DLC1: variants seen among roughly 807,000 people sequenced by gnomAD.
DLC1 encodes DLC1 Rho GTPase activating protein, also known as rho GTPase-activating protein 7.
DLC1 carries 54 observed loss-of-function variants against 140.3 expected under a neutral mutation model. The ratio of observed to expected loss-of-function variants is 0.38; its 90% confidence interval spans 0.31 to 0.48. DLC1 has a LOEUF of 0.48. DLC1 is among the 20% of genes least tolerant of loss of function. The probability of loss-of-function intolerance (pLI) is 0.96; values close to 1 mark genes in which losing one functional copy is unlikely to be tolerated. For synonymous variants in DLC1, 986 were observed against 728.1 expected, an observed-to-expected ratio of 1.35 and a Z score of -5.70; for missense variants, 2,536 against 1,907.0, an observed-to-expected ratio of 1.33 and a Z score of -6.14.
intron 4 of DLC1, among the ~76,000 whole-genome samples, chr8:13,376,071 G>C (rs531435570): frequency 8.5e-5 from 13 of 152,128 alleles, no homozygotes; most frequent in Non-Finnish European, 1.6e-4. Flanking sequence ...GCACCAAAAA[G>C]AGGAAAACCT....
chr8:13,309,016 C>A (rs187083849), intron 4 of DLC1, among the ~76,000 whole-genome samples: 1 of 151,976 alleles, frequency 6.6e-6, no homozygotes, highest in Non-Finnish European at 1.5e-5. Context: ...ACTAAAACAC[C>A]GAATGCCTAT....
intron 3 of DLC1, among the ~76,000 whole-genome samples, chr8:13,395,425 A>G (rs1242485699): frequency 6.6e-6 from 1 of 152,086 alleles, no homozygotes; most frequent in Non-Finnish European, 1.5e-5. Context: ...CAGCCTCTTT[A>G]TAATTCTTGT....
Position 13,084,954 on chromosome 8 carries a change from A to G in DLC1, c.*857T>C, listed in dbSNP as rs1334568873. On this transcript the variant is annotated 3_prime_UTR_variant, in exon 18 of 18. Transcript: ENST00000276297. ...TTTTATATCTCGACTTAAACAAAAA[A>G]CAAAACAAAACAAAACAAAACCCTG... The G allele has an allele frequency of 6.6e-6, 1 of 151,702 alleles. No homozygotes were observed. The highest frequency in any genetic ancestry group is 2.4e-5 in the African/African-American group (1 of 40,912). The allele number at this position is 151,702 out of a possible 1,614,324, so 9.4% of individuals were successfully genotyped here. A position where few individuals can be genotyped will look rare whatever the true frequency, so the allele number is the denominator to read the frequency against.
At chr8:13,573,163 A>G (rs1219777014) in intron 1 of DLC1, among the ~76,000 whole-genome samples, 3 of 152,142 alleles carry the variant, frequency 2.0e-5, no homozygotes, top group Non-Finnish European at 4.4e-5. Flanking sequence ...GATCTTTACC[A>G]TGTAAGTTTT....
chr8:13,196,469 T>A (rs1452188683), intron 5 of DLC1, among the ~76,000 whole-genome samples: 1 of 152,200 alleles, frequency 6.6e-6, no homozygotes, highest in Non-Finnish European at 1.5e-5. Context: ...CATAGGCCAT[T>A]ATTTGGGAGA....
At chr8:13,417,830 G>A (rs553334136) in intron 2 of DLC1, among the ~76,000 whole-genome samples, 26 of 152,178 alleles carry the variant, frequency 1.7e-4, no homozygotes, top group Admixed American at 5.2e-4. Flanking sequence ...CCCACCAACA[G>A]TGTAAAAGTG....
rs544814941 is a variant in DLC1 at position 13,336,851 on chromosome 8, C to A, written c.1315-31549G>T. On this transcript the variant is annotated intron_variant, in intron 4 of 17. Transcript: ENST00000276297. ...TATTGCTATGTGACATTGATGGTAA[C>A]CCAGGGAAACAAAATTAACACATTA... 2.6e-5 allele frequency among the ~76,000 whole-genome samples: 4 copies of A among 151,682 alleles called. No individual in the cohort carries two copies. The East Asian group carries it at 7.8e-4, about 29-fold the overall frequency.
intron 16 of DLC1, among the ~76,000 whole-genome samples, chr8:13,088,084 T>C (rs1817715540): frequency 6.6e-6 from 1 of 152,222 alleles, no homozygotes; most frequent in Admixed American, 6.5e-5. Context: ...GCATATGTTT[T>C]GTTTTGTTTA....
chr8:13,386,061 C>A (rs1836507790), intron 4 of DLC1, among the ~76,000 whole-genome samples: 1 of 152,252 alleles, frequency 6.6e-6, no homozygotes, highest in East Asian at 1.9e-4. Flanking sequence ...CCAGAAGTAA[C>A]TGGCAGTTGT....
At chr8:13,197,645 C>T (rs540183374) in intron 5 of DLC1, among the ~76,000 whole-genome samples, 27 of 151,876 alleles carry the variant, frequency 1.8e-4, no homozygotes, top group African/African-American at 6.0e-4. Flanking sequence ...CGTGCCAGGC[C>T]GATTTATTTT....
chr8:13,190,338 G>T (rs1184319339), intron 5 of DLC1, among the ~76,000 whole-genome samples: 1 of 152,082 alleles, frequency 6.6e-6, no homozygotes, highest in Non-Finnish European at 1.5e-5. Flanking sequence ...GCTGGTGAGA[G>T]CCAGGGATTG....
chr8:13,577,201 C>G (rs557134802), intron 1 of DLC1, among the ~76,000 whole-genome samples: 20 of 152,288 alleles, frequency 1.3e-4, no homozygotes, highest in Non-Finnish European at 2.2e-4. Flanking sequence ...ATAGGTTTCA[C>G]TCCTCAAAGA....
At chr8:13,201,025 T>C (rs1032609212) in intron 5 of DLC1, among the ~76,000 whole-genome samples, 3 of 152,042 alleles carry the variant, frequency 2.0e-5, no homozygotes, top group Non-Finnish European at 2.9e-5. Context: ...GTACAGTGGG[T>C]TTCATGTGGA....
At chr8:13,509,097 A>T (rs1802241642) in intron 1 of DLC1, among the ~76,000 whole-genome samples, 1 of 152,210 alleles carries the variant, frequency 6.6e-6, no homozygotes, top group Non-Finnish European at 1.5e-5. Context: ...TTATAAAAAG[A>T]TATTTTTATT....
chr8:13,220,254 CT>C (rs35779503), intron 5 of DLC1, among the ~76,000 whole-genome samples: 1 of 152,020 alleles, frequency 6.6e-6, no homozygotes, highest in African/African-American at 2.4e-5. Context: ...ATTGTGAAGC[CT>C]TTTTTGAAGA....
At chr8:13,568,223 T>C (rs1804525730) in intron 1 of DLC1, 1 of 316,914 alleles carries the variant, frequency 3.2e-6, no homozygotes, top group Admixed American at 4.6e-5. Context: ...ACTTAAAAAG[T>C]AATAACTGTC....
intron 4 of DLC1, among the ~76,000 whole-genome samples, chr8:13,348,905 G>A (rs549197022): frequency 6.6e-6 from 1 of 152,270 alleles, no homozygotes; most frequent in Non-Finnish European, 1.5e-5. Context: ...TCAGTAAGAG[G>A]GAAGCATATT....
chr8:13,199,127 A>G (rs1010906416), intron 5 of DLC1, among the ~76,000 whole-genome samples: 7 of 150,128 alleles, frequency 4.7e-5, no homozygotes, highest in African/African-American at 1.7e-4. Context: ...ATCTCCAAAC[A>G]TGCTTTTAAA....
chr8:13,484,860 A>G (rs1040865303), intron 2 of DLC1, among the ~76,000 whole-genome samples: 3 of 151,786 alleles, frequency 2.0e-5, no homozygotes, highest in African/African-American at 7.3e-5. Context: ...GATGTGCGCT[A>G]TGACCAGCAA....
Sources: gnomAD v4.1 joint callset for allele counts (sites outside exome capture counted in the v4.1 genomes callset) on GRCh38, gnomAD v4.1.1 for gene constraint, MANE v1.5 for transcripts, NCBI Gene and HGNC (gene_info 2026-07-23, HGNC 2026-07-21) for gene names.